FBXW7: variants seen among roughly 807,000 people sequenced by gnomAD.
FBXW7 encodes F-box and WD repeat domain containing 7, also known as F-box/WD repeat-containing protein 7.
In FBXW7, 11 loss-of-function variants were observed where a neutral mutation model predicts 86.3. The ratio of observed to expected loss-of-function variants is 0.13; its 90% CI spans 0.08 to 0.21. FBXW7 has a LOEUF of 0.21. Among genes scored for constraint, FBXW7 ranks in the 10% least tolerant of loss-of-function variants. The pLI, the probability that FBXW7 is intolerant of heterozygous loss-of-function variation, is 1.00. For missense variants in FBXW7, 488 were observed against 847.4 expected, an observed-to-expected ratio of 0.58 and a Z score of 5.27; for synonymous variants, 313 against 297.9, an observed-to-expected ratio of 1.05 and a Z score of -0.52.
At chr4:152,480,158 C>T (rs1744754549) in intron 2 of FBXW7, among the ~76,000 whole-genome samples, 2 of 152,104 alleles carry the variant, frequency 1.3e-5, no homozygotes, top group Non-Finnish European at 1.5e-5. Flanking sequence ...CTATTTGGTG[C>T]AATTTTTCAA....
At chr4:152,506,074 T>C (rs953083689) in intron 2 of FBXW7, among the ~76,000 whole-genome samples, 2 of 152,086 alleles carry the variant, frequency 1.3e-5, no homozygotes, top group Admixed American at 6.6e-5. Flanking sequence ...ATTGTAAATA[T>C]ATCAACCAGT....
At chr4:152,343,051 T>C (rs1268565325) in intron 6 of FBXW7, among the ~76,000 whole-genome samples, 3 of 152,202 alleles carry the variant, frequency 2.0e-5, no homozygotes. Flanking sequence ...TGAGAACATG[T>C]ACAATTTCTA....
intron 2 of FBXW7, among the ~76,000 whole-genome samples, chr4:152,426,698 C>CA (rs1375857732): frequency 1.3e-5 from 2 of 152,252 alleles, no homozygotes; most frequent in African/African-American, 2.4e-5. Flanking sequence ...GTCGTTTGCC[C>CA]ACTCGGATAA....
intron 4 of FBXW7, among the ~76,000 whole-genome samples, chr4:152,369,251 TACA>T (rs1485131301): frequency 6.6e-6 from 1 of 152,118 alleles, no homozygotes; most frequent in Non-Finnish European, 1.5e-5. Flanking sequence ...ATTTTATCCT[TACA>T]ACAACCCTCT....
chr4:152,434,245 T>C (rs1740177103), intron 2 of FBXW7, among the ~76,000 whole-genome samples: 1 of 152,192 alleles, frequency 6.6e-6, no homozygotes, highest in African/African-American at 2.4e-5. Context: ...AAAGAACCTA[T>C]TATTTATTGT....
chr4:152,466,227 G>A (rs866560325), intron 2 of FBXW7, among the ~76,000 whole-genome samples: 6 of 151,986 alleles, frequency 3.9e-5, no homozygotes, highest in Non-Finnish European at 7.4e-5. Context: ...GTCACATAAC[G>A]ATAAAAAATA....
chr4:152,429,364 G>A (rs1386485980), intron 2 of FBXW7, among the ~76,000 whole-genome samples: 1 of 130,486 alleles, frequency 7.7e-6, no homozygotes, highest in East Asian at 2.7e-4. Context: ...TTGTTAGGGG[G>A]AAGTTGGGTG....
intron 2 of FBXW7, among the ~76,000 whole-genome samples, chr4:152,461,256 A>C (rs1216152293): frequency 1.3e-5 from 2 of 152,102 alleles, no homozygotes; most frequent in Non-Finnish European, 2.9e-5. Context: ...CCACCACAAA[A>C]TAAAATAAAA....
intron 4 of FBXW7, among the ~76,000 whole-genome samples, chr4:152,361,256 T>C (rs931889396): frequency 6.6e-6 from 1 of 152,148 alleles, no homozygotes; most frequent in African/African-American, 2.4e-5. Flanking sequence ...GGGAAGAACA[T>C]AGTAATCAGG....
intron 4 of FBXW7, among the ~76,000 whole-genome samples, chr4:152,361,944 A>T (rs1286936613): frequency 7.0e-6 from 1 of 143,858 alleles, no homozygotes; most frequent in African/African-American, 2.5e-5. Context: ...CCAGCCTGGG[A>T]GACAGAGCTA....
At chr4:152,459,832 T>G (rs1172485667) in intron 2 of FBXW7, among the ~76,000 whole-genome samples, 1 of 152,242 alleles carries the variant, frequency 6.6e-6, no homozygotes, top group Non-Finnish European at 1.5e-5. Context: ...CATCTTATTG[T>G]GCTATAATCA....
intron 6 of FBXW7, among the ~76,000 whole-genome samples, chr4:152,338,651 G>A (rs375017438): frequency 1.3e-5 from 2 of 151,778 alleles, no homozygotes; most frequent in Admixed American, 6.6e-5. Flanking sequence ...ATGACATCAG[G>A]GGATTATCTT....
At chr4:152,402,189 TAC>T (rs987847962) in intron 4 of FBXW7, among the ~76,000 whole-genome samples, 3 of 152,092 alleles carry the variant, frequency 2.0e-5, no homozygotes, top group Non-Finnish European at 4.4e-5. Context: ...AAAAGAAGTA[TAC>T]ACACTGACTC....
At chr4:152,323,888 C>A in intron 13 of FBXW7, 1 of 256,426 alleles carries the variant, frequency 3.9e-6, no homozygotes, top group Non-Finnish European at 7.5e-6. Flanking sequence ...ATAATGAGTA[C>A]GTTGCTTCTA....
At chr4:152,432,043 G>A (rs1253826748) in intron 2 of FBXW7, among the ~76,000 whole-genome samples, 1 of 152,172 alleles carries the variant, frequency 6.6e-6, no homozygotes, top group East Asian at 1.9e-4. Flanking sequence ...CTCTGGTTCT[G>A]TAGTCATTGG....
intron 4 of FBXW7, among the ~76,000 whole-genome samples, chr4:152,368,919 T>C (rs554938338): frequency 6.6e-6 from 1 of 152,228 alleles, no homozygotes; most frequent in South Asian, 2.1e-4. Context: ...ACATATATGA[T>C]AGTCGCACTG....
At chr4:152,469,749 G>A (rs947128137) in intron 2 of FBXW7, among the ~76,000 whole-genome samples, 1 of 151,938 alleles carries the variant, frequency 6.6e-6, no homozygotes, top group Non-Finnish European at 1.5e-5. Flanking sequence ...AGAATCTCTG[G>A]ACACAACATA....
intron 2 of FBXW7, among the ~76,000 whole-genome samples, chr4:152,496,497 G>A (rs1434854588): frequency 2.0e-5 from 3 of 151,988 alleles, no homozygotes; most frequent in South Asian, 4.1e-4. Context: ...GGCCAACATG[G>A]CGAAACCCTG....
At position 152,535,052 on chromosome 4, in the gene FBXW7, T is replaced by G. The variant is rs907676465; in HGVS notation, c.-212-19A>C. 1 of 152,384 alleles carries G rather than the reference T, an allele frequency of 6.6e-6. No individual in the cohort carries two copies. The highest frequency in any genetic ancestry group is 1.5e-5 in the Non-Finnish European group (1 of 68,234). 9.4% of individuals were successfully genotyped at this position (152,384 alleles called of 1,614,324 possible). On this transcript the variant is annotated intron_variant, in intron 1 of 13. Transcript: ENST00000281708. ...CGCGGTACTGAGGAAGAAGCGGTGCTCGTGTCGCTAAACCAGGCGGCAACC... is the reference window on the plus strand; with the variant it reads ...CGCGGTACTGAGGAAGAAGCGGTGCGCGTGTCGCTAAACCAGGCGGCAACC...
Sources: allele counts gnomAD v4.1 joint callset (sites outside exome capture counted in the v4.1 genomes callset), GRCh38; gene constraint gnomAD v4.1.1; transcripts MANE v1.5; gene names NCBI Gene and HGNC (gene_info 2026-07-23, HGNC 2026-07-21).